The following MGAT4C variants were observed in gnomAD, a reference collection of about 807,000 sequenced individuals.
MGAT4C encodes the protein MGAT4 family member C.
A neutral mutation model predicts 40.1 loss-of-function variants in MGAT4C; 19 were observed. The ratio of observed to expected loss-of-function variants is 0.47; its 90% CI spans 0.33 to 0.70. MGAT4C has a LOEUF of 0.70. Among genes scored for constraint, MGAT4C ranks in the 30% least tolerant of loss-of-function variants. The pLI, the probability that MGAT4C is intolerant of heterozygous loss-of-function variation, is 0.02. For synonymous variants in MGAT4C, 181 were observed against 187.1 expected, an observed-to-expected ratio of 0.97 and a Z score of 0.27; for missense variants, 491 against 563.2, an observed-to-expected ratio of 0.87 and a Z score of 1.30.
Position 85,959,640 on chromosome 12 carries a change from TGTA to T in MGAT4C, c.*19646_*19648del, listed in dbSNP as rs1592573042. Reference sequence around the variant, plus strand: ...AGCCACTTGAATAAATAAGTTGTGTTGTAGTTTCTCAGAGCAACCGCCGCTCAT... The same window carrying T: ...AGCCACTTGAATAAATAAGTTGTGTTGTTTCTCAGAGCAACCGCCGCTCAT... On this transcript the variant is annotated 3_prime_UTR_variant, in exon 5 of 5. Coordinates refer to ENST00000611864, the MANE Select transcript of MGAT4C (RefSeq NM_001351288.2). The T allele has an allele frequency of 6.6e-6, 1 of 151,860 alleles. No individual in the cohort carries two copies. Among genetic ancestry groups the T allele is most frequent in the East Asian group, 1.9e-4 (1 of 5,180 alleles). The allele number at this position is 151,860 out of a possible 1,614,324, so 9.4% of individuals were successfully genotyped here. A position where few individuals can be genotyped will look rare whatever the true frequency, so the allele number is the denominator to read the frequency against.
intron 1 of MGAT4C, among the ~76,000 whole-genome samples, chr12:86,208,086 C>A (rs183276095): frequency 1.3e-5 from 2 of 152,242 alleles, no homozygotes; most frequent in African/African-American, 4.8e-5. Context: ...AGGTCTCTGA[C>A]CTCCCTGTCA....
At chr12:86,737,548 C>A (rs1951006346) in intron 1 of MGAT4C, among the ~76,000 whole-genome samples, 1 of 151,344 alleles carries the variant, frequency 6.6e-6, no homozygotes, top group South Asian at 2.1e-4. Flanking sequence ...GTTTCGAAGA[C>A]AAATTCCATG....
intron 3 of MGAT4C, among the ~76,000 whole-genome samples, chr12:86,402,048 T>C (rs1956373697): frequency 6.6e-6 from 1 of 151,964 alleles, no homozygotes; most frequent in Non-Finnish European, 1.5e-5. Context: ...TATTAACATA[T>C]TATTATATTA....
At chr12:86,692,780 G>A (rs1223574662) in intron 2 of MGAT4C, among the ~76,000 whole-genome samples, 3 of 152,120 alleles carry the variant, frequency 2.0e-5, no homozygotes, top group African/African-American at 4.8e-5. Flanking sequence ...AGCCCTACTT[G>A]ACCCTGAGAA....
chr12:86,824,457 G>T (rs1177956707), intron 1 of MGAT4C, among the ~76,000 whole-genome samples: 1 of 151,292 alleles, frequency 6.6e-6, no homozygotes, highest in Non-Finnish European at 1.5e-5. Flanking sequence ...CAAAAGTTAT[G>T]GCTACAGTAC....
chr12:86,192,577 G>A (rs1889639987), intron 1 of MGAT4C, among the ~76,000 whole-genome samples: 1 of 152,122 alleles, frequency 6.6e-6, no homozygotes, highest in Non-Finnish European at 1.5e-5. Context: ...AGCCAAAAAG[G>A]TGAAGTGCAA....
At chr12:86,547,489 C>T (rs1219989471) in intron 2 of MGAT4C, among the ~76,000 whole-genome samples, 1 of 152,014 alleles carries the variant, frequency 6.6e-6, no homozygotes, top group Non-Finnish European at 1.5e-5. Context: ...TGATATCTTA[C>T]CTGTGCATCT....
At chr12:86,205,049 A>G (rs1311932587) in intron 1 of MGAT4C, among the ~76,000 whole-genome samples, 5 of 152,042 alleles carry the variant, frequency 3.3e-5, no homozygotes, top group African/African-American at 1.2e-4. Context: ...TTATCAGTAC[A>G]GTAACTCTAT....
chr12:86,101,093 G>A (rs534863158), intron 1 of MGAT4C, among the ~76,000 whole-genome samples: 17 of 151,514 alleles, frequency 1.1e-4, no homozygotes, highest in Admixed American at 3.9e-4. Context: ...TCTTTACTAA[G>A]GAGACACTAT....
intron 1 of MGAT4C, among the ~76,000 whole-genome samples, chr12:86,753,522 G>C (rs1431642020): frequency 6.6e-6 from 1 of 152,022 alleles, no homozygotes; most frequent in Non-Finnish European, 1.5e-5. Flanking sequence ...CTGTATTTCT[G>C]TGTGTGTGTC....
At chr12:86,277,701 C>T (rs1016946674) in intron 4 of MGAT4C, among the ~76,000 whole-genome samples, 1 of 152,134 alleles carries the variant, frequency 6.6e-6, no homozygotes, top group African/African-American at 2.4e-5. Flanking sequence ...AATGAGTTCA[C>T]TGTAGATTCA....
intron 1 of MGAT4C, among the ~76,000 whole-genome samples, chr12:86,239,288 G>A (rs181870850): frequency 6.6e-6 from 1 of 152,092 alleles, no homozygotes; most frequent in African/African-American, 2.4e-5. Context: ...ATTTAGGAAA[G>A]CTCGTGGAGG....
At chr12:86,764,406 G>T (rs536668468) in intron 1 of MGAT4C, among the ~76,000 whole-genome samples, 47 of 152,196 alleles carry the variant, frequency 3.1e-4, no homozygotes, top group South Asian at 8.3e-4. Context: ...GAGGCCTGCC[G>T]GCCTCTGTAG....
At chr12:86,679,779 T>A (rs1312655325) in intron 2 of MGAT4C, among the ~76,000 whole-genome samples, 1 of 152,160 alleles carries the variant, frequency 6.6e-6, no homozygotes, top group African/African-American at 2.4e-5. Flanking sequence ...GTAGTCTTCA[T>A]CTTGATCTTC....
chr12:86,040,644 G>A (rs1448097270), intron 2 of MGAT4C, among the ~76,000 whole-genome samples: 10 of 151,788 alleles, frequency 6.6e-5, no homozygotes, highest in African/African-American at 1.7e-4. Context: ...TGGCTCCCTG[G>A]CTTCAGCCCC....
intron 2 of MGAT4C, among the ~76,000 whole-genome samples, chr12:86,511,036 A>C (rs1410992886): frequency 6.6e-6 from 1 of 152,200 alleles, no homozygotes; most frequent in Non-Finnish European, 1.5e-5. Flanking sequence ...GACAGAATAT[A>C]CATTTTTTTC....
chr12:86,304,279 C>G (rs1953882246), intron 4 of MGAT4C, among the ~76,000 whole-genome samples: 1 of 150,496 alleles, frequency 6.6e-6, no homozygotes, highest in African/African-American at 2.5e-5. Flanking sequence ...ACTCTTTGAG[C>G]TGATTTTTTC....
chr12:86,074,578 G>A (rs868247423), intron 1 of MGAT4C, among the ~76,000 whole-genome samples: 99 of 151,976 alleles, frequency 6.5e-4, no homozygotes, highest in African/African-American at 2.3e-3. Flanking sequence ...TGGAATCACT[G>A]GTGGTTTTTC....
intron 1 of MGAT4C, among the ~76,000 whole-genome samples, chr12:86,202,346 T>A (rs1950083538): frequency 1.3e-5 from 2 of 152,260 alleles, no homozygotes; most frequent in South Asian, 4.1e-4. Context: ...TGTTTAATGA[T>A]GTACCCATAA....
Sources: gnomAD v4.1 joint callset for allele counts (sites outside exome capture counted in the v4.1 genomes callset) on GRCh38, gnomAD v4.1.1 for gene constraint, MANE v1.5 for transcripts, NCBI Gene and HGNC (gene_info 2026-07-23, HGNC 2026-07-21) for gene names.